The following PRC1 variants were observed in gnomAD, a reference collection of about 807,000 sequenced individuals.
PRC1 encodes the protein anaphase spindle elongation 1 homolog.
A neutral mutation model predicts 91.2 loss-of-function variants in PRC1; 54 were observed. That is an observed-to-expected ratio of 0.59 (90% CI 0.48 to 0.74). PRC1 has a LOEUF of 0.74. Among genes scored for constraint, PRC1 ranks in the 30% least tolerant of loss-of-function variants. PRC1 has a pLI of 0.00. For missense variants in PRC1, 727 were observed against 746.2 expected (o/e 0.97, Z 0.30); for synonymous variants, 275 against 263.6 (o/e 1.04, Z -0.42).
At chr15:90,969,697 G>T (rs2037888794) in intron 12 of PRC1, 74 bp from the exon 13 acceptor site, 1 of 1,317,230 alleles carries the variant, frequency 7.6e-7, no homozygotes, top group Non-Finnish European at 1.0e-6. Flanking sequence ...TACCTGCACT[G>T]GTCAAAGGCT....
rs1463330464 is a variant in PRC1 at position 90,981,861 on chromosome 15, C to T, written c.388G>A (p.Glu130Lys). ...GGCATACAAAGAATTTCGCACAGTT[C>T]TTGATCTTGCTCTTGAAGTAGCTTC... ...ELKLLQEQDQ[E>K]LCEILCMPHY... Residue 130 changes from glutamate (E) to lysine (K), a missense_variant, in exon 4 of 15, where the codon GAA becomes AAA. Transcript: ENST00000394249. The T allele has an allele frequency of 6.2e-7, 1 of 1,614,090 alleles. No homozygotes were observed. The highest frequency in any genetic ancestry group is 1.7e-5 in the Admixed American group (1 of 59,998).
At chr15:90,979,563 G>A (rs538444368) in intron 7 of PRC1, among the ~76,000 whole-genome samples, 2 of 152,170 alleles carry the variant, frequency 1.3e-5, no homozygotes, top group Admixed American at 6.6e-5. Context: ...CCTTGTCTTC[G>A]GTTTCTTTCA....
rs553022382 is a variant in PRC1 at position 90,990,228 on chromosome 15, C to T, written c.11+4179G>A. ...GTGGGCACCTGTAATCTCAGCTACT[C>T]GGGAGGCTGAGGCAGGAGAATTGCT... On this transcript the variant is annotated intron_variant, in intron 1 of 14. Coordinates refer to ENST00000394249, the MANE Select transcript of PRC1 (RefSeq NM_003981.4). Among the ~76,000 whole-genome samples the T allele has an allele frequency of 7.3e-4, 110 of 151,564 alleles. 1 individual carries two copies. Among genetic ancestry groups the T allele is most frequent in the African/African-American group, 2.4e-3 (98 of 41,334 alleles).
In PRC1 at chr15:90,966,506, ACCC is replaced by A. The variant is rs1243642898; in HGVS notation, c.*622_*624del. On this transcript the variant is annotated 3_prime_UTR_variant, in exon 15 of 15. Transcript: ENST00000394249. The stretch of plus-strand genomic sequence containing the variant: ...CAAGCATGTGTGTTCATACATGCAT[ACCC>A]CCAACAAAGGGCAATGCACTGTGTA... The A allele has an allele frequency of 2.2e-5, 10 of 451,976 alleles. No homozygotes were observed. Among genetic ancestry groups the A allele is most frequent in the Non-Finnish European group, 3.6e-5 (8 of 223,924 alleles). 28.0% of individuals were successfully genotyped at this position (451,976 alleles called of 1,614,324 possible).
chr15:90,982,991 AATTTC>A (rs1227899383), intron 3 of PRC1, among the ~76,000 whole-genome samples: 1 of 152,190 alleles, frequency 6.6e-6, no homozygotes, highest in African/African-American at 2.4e-5. Flanking sequence ...ACATTTACAC[AATTTC>A]ATTTAACATT....
Position 90,984,058 on chromosome 15 carries a change from A to G in PRC1, c.227T>C (p.Leu76Pro). ...IKSISVCQKE[L>P]NTLCSELHVE... ...ATGTAACTCGCTGCACAGAGTGTTC[A>G]GCTCTTTCTGACAGACGGATATGCT... is the stretch of plus-strand genomic sequence containing the variant. Residue 76 changes from leucine to proline, a missense_variant, in exon 3 of 15, where the codon CTG (leucine) becomes CCG (proline). Transcript: ENST00000394249. This position sits in a 1 kb window ranked among gnomAD's most constrained non-coding sequence, Gnocchi z 5.1. 1.2e-6 allele frequency: 2 copies of G among 1,614,162 alleles called. No homozygotes were observed. The highest frequency in any genetic ancestry group is 1.7e-6 in the Non-Finnish European group (2 of 1,180,012).
In PRC1 at chr15:90,966,473, CGTTCCGACAAGCATGTGT is replaced by C. The variant is rs1361769552; in HGVS notation, c.*640_*657del. 2 of 398,922 alleles carry C rather than the reference CGTTCCGACAAGCATGTGT, an allele frequency of 5.0e-6. No homozygotes were observed. Among genetic ancestry groups the C allele is most frequent in the Non-Finnish European group, 1.0e-5 (2 of 192,700 alleles). The allele number at this position is 398,922 out of a possible 1,614,324, so 24.7% of individuals were successfully genotyped here. A position where few individuals can be genotyped will look rare whatever the true frequency, so the allele number is the denominator to read the frequency against. On this transcript the variant is annotated 3_prime_UTR_variant, in exon 15 of 15. Coordinates refer to ENST00000394249, the MANE Select transcript of PRC1 (RefSeq NM_003981.4). ...AGCCAAGGGACAAACGCCGAGAAAG[CGTTCCGACAAGCATGTGT>C]GTTCATACATGCATACCCCCAACAA...
intron 1 of PRC1, among the ~76,000 whole-genome samples, chr15:90,990,253 TTGAATCCGGGAGGTGGAGGTTGCAG>T: frequency 6.6e-6 from 1 of 151,826 alleles, no homozygotes; most frequent in African/African-American, 2.4e-5. Flanking sequence ...GGAGAATTGC[TTGAATCCGGGAGGTGGAGGTTGCAG>T]TGACCTGAGA....
rs558772472 is a variant in PRC1, at chr15:90,987,651, T to A, written c.12-2826A>T. The A allele has an allele frequency of 2.6e-5, 4 of 152,334 alleles. 1 individual carries two copies. In the South Asian group the frequency reaches 8.3e-4, roughly 32 times the overall value. 9.4% of individuals were successfully genotyped at this position (152,334 alleles called of 1,614,324 possible). A position where few individuals can be genotyped will look rare whatever the true frequency, so the allele number is the denominator to read the frequency against. On this transcript the variant is annotated intron_variant, in intron 1 of 14. Coordinates refer to ENST00000394249, the MANE Select transcript of PRC1 (RefSeq NM_003981.4). The stretch of plus-strand genomic sequence containing the variant: ...TTAGGTATAACAGGACAACTAAGAC[T>A]GCCCTGGCACCAGAGAAACTACAAT...
chr15:90,976,135 C>G (rs983893351), intron 9 of PRC1, among the ~76,000 whole-genome samples: 1 of 152,180 alleles, frequency 6.6e-6, no homozygotes, highest in African/African-American at 2.4e-5. Context: ...GTTGCCCAGG[C>G]TGGAGTGCAG....
intron 8 of PRC1, among the ~76,000 whole-genome samples, chr15:90,977,642 G>A (rs1297608947): frequency 7.2e-6 from 1 of 139,206 alleles, no homozygotes; most frequent in African/African-American, 2.7e-5. Context: ...GGAGTGCAGT[G>A]GTGCGATCTT....
intron 6 of PRC1, among the ~76,000 whole-genome samples, chr15:90,980,676 C>T (rs543200084): frequency 5.3e-5 from 8 of 152,116 alleles, no homozygotes; most frequent in African/African-American, 1.9e-4. Flanking sequence ...CACGCCACTA[C>T]CACCTGGCTA....
chr15:90,984,198 A>G lies in PRC1; in HGVS notation c.145-58T>C. 3 of 1,582,158 alleles carry G rather than the reference A, an allele frequency of 1.9e-6. No individual in the cohort carries two copies. The highest frequency in any genetic ancestry group is 1.1e-5 in the South Asian group (1 of 88,746). ...GCAATGGAGGAAAAAAACTCCCAACACCAATACCAAACTCCTCAAATTTCT... is the reference window on the plus strand; with the variant it reads ...GCAATGGAGGAAAAAAACTCCCAACGCCAATACCAAACTCCTCAAATTTCT... On this transcript the variant is annotated intron_variant, in intron 2 of 14. Coordinates refer to ENST00000394249, the MANE Select transcript of PRC1 (RefSeq NM_003981.4). This position sits in a 1 kb window ranked among gnomAD's most constrained non-coding sequence, Gnocchi z 5.1.
chr15:90,984,053 T>A lies in PRC1; in HGVS notation c.232A>T (p.Thr78Ser), dbSNP rs745330334. Reference sequence around the variant, plus strand: ...TCAACATGTAACTCGCTGCACAGAGTGTTCAGCTCTTTCTGACAGACGGAT... The same window carrying A: ...TCAACATGTAACTCGCTGCACAGAGAGTTCAGCTCTTTCTGACAGACGGAT... ...SISVCQKELN[T>S]LCSELHVEPF... Residue 78 changes from threonine to serine, a missense_variant, in exon 3 of 15, where the codon ACT (threonine) becomes TCT (serine). Coordinates refer to ENST00000394249, the MANE Select transcript of PRC1 (RefSeq NM_003981.4). This position sits in a 1 kb window ranked among gnomAD's most constrained non-coding sequence, Gnocchi z 5.1. The A allele has an allele frequency of 6.2e-7, 1 of 1,613,952 alleles. No homozygotes were observed.
intron 8 of PRC1, among the ~76,000 whole-genome samples, chr15:90,978,921 C>G (rs1391068649): frequency 6.6e-6 from 1 of 152,066 alleles, no homozygotes; most frequent in African/African-American, 2.4e-5. Context: ...ACACTGCCCA[C>G]CTCTGAACCT....
Position 90,968,232 on chromosome 15 carries a change from C to G in PRC1, c.1791+847G>C, listed in dbSNP as rs942832194. On this transcript the variant is annotated intron_variant, in intron 14 of 14. Coordinates refer to ENST00000394249, the MANE Select transcript of PRC1 (RefSeq NM_003981.4). The stretch of plus-strand genomic sequence containing the variant: ...AGCTGGACCTCTGTCCAGCAATCAG[C>G]CAGAGTGACACACACCCACTTTTAA... 5 of 985,262 alleles carry G rather than the reference C, an allele frequency of 5.1e-6. No homozygotes were observed. In the African/African-American group the frequency reaches 8.7e-5, roughly 17 times the overall value. The allele number at this position is 985,262 out of a possible 1,614,324, so 61.0% of individuals were successfully genotyped here.
In PRC1 at chr15:90,974,370, G is replaced by C. The variant is rs1307634954; in HGVS notation, c.1351-124C>G. On this transcript the variant is annotated intron_variant, in intron 10 of 14. Transcript: ENST00000394249. This position sits in a 1 kb window ranked among gnomAD's most constrained non-coding sequence, Gnocchi z 4.6. ...CAGCCAGAGCTAAAGAGCTGCCGCG[G>C]GCTCCCCGTTCCACAAGCCCCGGTC... The C allele has an allele frequency of 3.7e-6, 4 of 1,075,134 alleles. No homozygotes were observed. The highest frequency in any genetic ancestry group is 5.0e-5 in the East Asian group (2 of 39,870). 66.6% of individuals were successfully genotyped at this position (1,075,134 alleles called of 1,614,324 possible).
chr15:90,985,222 T>G lies in PRC1; in HGVS notation c.12-397A>C, dbSNP rs577631395. On this transcript the variant is annotated intron_variant, in intron 1 of 14. Coordinates refer to ENST00000394249, the MANE Select transcript of PRC1 (RefSeq NM_003981.4). Reference sequence around the variant, plus strand: ...GCAATTTATTACTATTTTTTTGGTGTTTTTTTTTTGTTTTTTCTTTTTTTT... The same window carrying G: ...GCAATTTATTACTATTTTTTTGGTGGTTTTTTTTTGTTTTTTCTTTTTTTT... Among the ~76,000 whole-genome samples, 17 of 134,316 alleles carry G rather than the reference T, an allele frequency of 1.3e-4. 1 individual carries two copies. The South Asian group carries it at 2.6e-3, about 21-fold the overall frequency. The allele number at this position is 134,316 out of a possible 152,430, so 88.1% of individuals were successfully genotyped here.
In PRC1 at chr15:90,966,311, T is replaced by C. The variant is rs2151387088; in HGVS notation, c.*820A>G. The C allele has an allele frequency of 3.7e-6, 1 of 273,052 alleles. No individual in the cohort carries two copies. The highest frequency in any genetic ancestry group is 9.7e-5 in the East Asian group (1 of 10,294). 16.9% of individuals were successfully genotyped at this position (273,052 alleles called of 1,614,324 possible). ...AGCTAGAGCAGGAACACCTCCCCAG[T>C]AGTGACATGTGCAAAGTTCCAGATC... On this transcript the variant is annotated 3_prime_UTR_variant, in exon 15 of 15. Coordinates refer to ENST00000394249, the MANE Select transcript of PRC1 (RefSeq NM_003981.4).
Sources: allele counts gnomAD v4.1 joint callset (sites outside exome capture counted in the v4.1 genomes callset), GRCh38; gene constraint gnomAD v4.1.1; non-coding constraint Gnocchi (gnomAD v3.1); transcripts MANE v1.5; gene names NCBI Gene and HGNC (gene_info 2026-07-23, HGNC 2026-07-21).